Variants in HHAT observed in about 807,000 individuals in gnomAD.
The protein encoded by HHAT is protein-cysteine N-palmitoyltransferase HHAT.
In HHAT, 47 loss-of-function variants were observed where a neutral mutation model predicts 70.8. The observed-to-expected ratio is 0.66, with a 90% CI of 0.53 to 0.85. The LOEUF is 0.85. Ranked by LOEUF, HHAT falls within the 40% of genes least tolerant of loss-of-function variation. The pLI is 0.00. For synonymous variants in HHAT, 228 were observed against 247.6 expected (o/e 0.92, Z 0.74); for missense variants, 609 against 604.8 (o/e 1.01, Z -0.07).
intron 10 of HHAT, among the ~76,000 whole-genome samples, chr1:210,591,470 C>T (rs1401947139): frequency 6.6e-6 from 1 of 152,118 alleles, no homozygotes; most frequent in East Asian, 1.9e-4. Flanking sequence ...AGGTTGCTTC[C>T]AAATCTTGGC....
intron 9 of HHAT, among the ~76,000 whole-genome samples, chr1:210,536,305 G>A (rs542967125): frequency 1.1e-4 from 17 of 152,310 alleles, no homozygotes; most frequent in Admixed American, 2.0e-4. Context: ...TTCCCTGAGG[G>A]CTCATAGCTA....
At chr1:210,404,266 C>T (rs2092228583) in intron 5 of HHAT, among the ~76,000 whole-genome samples, 198 bp from the exon 6 acceptor site, 1 of 152,152 alleles carries the variant, frequency 6.6e-6, no homozygotes, top group Admixed American at 6.5e-5. Context: ...GCTTTGATTA[C>T]CAATGAGATT....
intron 9 of HHAT, among the ~76,000 whole-genome samples, chr1:210,526,367 G>GTTTTGTTTTGTTTTGTTTGTTTTTTTTT: frequency 7.0e-6 from 1 of 142,336 alleles, no homozygotes; most frequent in Non-Finnish European, 1.5e-5. Context: ...AGTGGGTTCT[G>GTTTTGTTTTGTTTTGTTTGTTTTTTTTT]TTTTTTTTTT....
chr1:210,437,952 G>A (rs1446843753), intron 7 of HHAT, among the ~76,000 whole-genome samples: 1 of 151,766 alleles, frequency 6.6e-6, no homozygotes, highest in Non-Finnish European at 1.5e-5. Flanking sequence ...GCTGTCCTTT[G>A]GGGCCATCTC....
chr1:210,472,155 G>A (rs1031218660), intron 8 of HHAT, among the ~76,000 whole-genome samples: 3 of 152,006 alleles, frequency 2.0e-5, no homozygotes, highest in East Asian at 1.9e-4. Context: ...GTTTGTGCAC[G>A]CACACACACT....
At chr1:210,630,161 A>G (rs894602489) in intron 11 of HHAT, among the ~76,000 whole-genome samples, 3 of 152,088 alleles carry the variant, frequency 2.0e-5, no homozygotes, top group Non-Finnish European at 4.4e-5. Context: ...TCTCTCTTAT[A>G]ATGACCTTTG....
chr1:210,595,186 A>G (rs139509498), intron 10 of HHAT, among the ~76,000 whole-genome samples: 2,608 of 152,116 alleles, frequency 0.017, 90 homozygotes, highest in African/African-American at 0.059. Context: ...TCATTGTTCA[A>G]TTCCCACCTA....
intron 11 of HHAT, among the ~76,000 whole-genome samples, chr1:210,669,530 T>C (rs1288616084): frequency 1.3e-5 from 2 of 152,232 alleles, no homozygotes; most frequent in African/African-American, 4.8e-5. Context: ...TTATCTGCAA[T>C]TAGCTATATC....
At chr1:210,391,177 TTAATTATGGATTAA>T (rs1174717650) in intron 4 of HHAT, among the ~76,000 whole-genome samples, 1 of 152,218 alleles carries the variant, frequency 6.6e-6, no homozygotes, top group Non-Finnish European at 1.5e-5. Flanking sequence ...TTTTTGACTT[TTAATTATGGATTAA>T]TAATTATGGA....
At chr1:210,499,640 C>G (rs1376251672) in intron 8 of HHAT, among the ~76,000 whole-genome samples, 1 of 56,400 alleles carries the variant, frequency 1.8e-5, no homozygotes, top group Admixed American at 2.5e-4. Context: ...GAGACTTTCT[C>G]TCTCAAAAAA....
At chr1:210,610,537 AT>A (rs1243673233) in intron 10 of HHAT, among the ~76,000 whole-genome samples, 1 of 133,904 alleles carries the variant, frequency 7.5e-6, no homozygotes, top group East Asian at 2.0e-4. Flanking sequence ...CCATTTGTCA[AT>A]TTTTGCTTTC....
At chr1:210,396,264 G>C (rs2091781390) in intron 4 of HHAT, among the ~76,000 whole-genome samples, 1 of 152,186 alleles carries the variant, frequency 6.6e-6, no homozygotes, top group African/African-American at 2.4e-5. Flanking sequence ...CATTGAGTGA[G>C]GGTCAGAGTA....
intron 8 of HHAT, among the ~76,000 whole-genome samples, chr1:210,487,111 G>A (rs1018443033): frequency 3.9e-5 from 6 of 152,108 alleles, no homozygotes; most frequent in Non-Finnish European, 7.4e-5. Flanking sequence ...AGGAGAGGAC[G>A]GGCAGGAATG....
intron 7 of HHAT, among the ~76,000 whole-genome samples, chr1:210,421,625 A>C (rs2148286962): frequency 6.6e-6 from 1 of 152,136 alleles, no homozygotes. Context: ...TTGTATTTTT[A>C]GTAGAGACGG....
At position 210,646,136 on chromosome 1, in the gene HHAT, T is replaced by A. The variant is rs2148923487; in HGVS notation, c.1390+22466T>A. On this transcript the variant is annotated intron_variant, in intron 11 of 11. Coordinates refer to ENST00000261458, the MANE Select transcript of HHAT (RefSeq NM_018194.6). The stretch of plus-strand genomic sequence containing the variant: ...TGAGTACTCTGGTAGTTGCTTTGTA[T>A]ACTTTGCACGGAGTTTTTCATGTAA... Among the ~76,000 whole-genome samples, 5 of 152,366 alleles carry A rather than the reference T, an allele frequency of 3.3e-5. 1 individual carries two copies. In the East Asian group the frequency reaches 9.6e-4, roughly 29 times the overall value.
intron 9 of HHAT, among the ~76,000 whole-genome samples, chr1:210,558,670 A>T (rs552027575): frequency 3.3e-5 from 5 of 152,358 alleles, no homozygotes; most frequent in Admixed American, 6.5e-5. Flanking sequence ...TGAAGTGAGG[A>T]AGAGAAATGT....
At position 210,661,696 on chromosome 1, in the gene HHAT, G is replaced by A. The variant is rs1677759277; in HGVS notation, c.1391-12592G>A. On this transcript the variant is annotated intron_variant, in intron 11 of 11. Coordinates refer to ENST00000261458, the MANE Select transcript of HHAT (RefSeq NM_018194.6). The stretch of plus-strand genomic sequence containing the variant: ...ACTGGATTAAGAAAAGGTGGCATAT[G>A]TATACCATGGAATACTATGCAGCCA... 2.0e-5 allele frequency among the ~76,000 whole-genome samples: 3 copies of A among 152,136 alleles called. No individual in the cohort carries two copies. The South Asian group carries it at 6.2e-4, about 32-fold the overall frequency.
intron 9 of HHAT, among the ~76,000 whole-genome samples, chr1:210,531,102 A>G (rs1018292126): frequency 1.3e-5 from 2 of 152,180 alleles, no homozygotes; most frequent in Non-Finnish European, 2.9e-5. Context: ...CCTAGACTAC[A>G]AACCTGTGTA....
intron 3 of HHAT, among the ~76,000 whole-genome samples, chr1:210,370,094 T>A (rs939745022): frequency 2.0e-5 from 3 of 151,860 alleles, no homozygotes; most frequent in East Asian, 3.9e-4. Flanking sequence ...ACACTCTTGA[T>A]CTGTTAGTTT....
Sources: allele counts gnomAD v4.1 joint callset (sites outside exome capture counted in the v4.1 genomes callset), GRCh38; gene constraint gnomAD v4.1.1; transcripts MANE v1.5; gene names NCBI Gene and HGNC (gene_info 2026-07-23, HGNC 2026-07-21).